The following TGM5 variants were observed in gnomAD, a reference collection of about 807,000 sequenced individuals.
TGM5 encodes protein-glutamine gamma-glutamyltransferase 5.
A neutral mutation model predicts 77.2 loss-of-function variants in TGM5; 69 were observed. The ratio of observed to expected loss-of-function variants is 0.89; its 90% confidence interval spans 0.74 to 1.09. TGM5 has a LOEUF of 1.09. Among genes scored for constraint, TGM5 ranks in the 50% least tolerant of loss-of-function variants. The pLI, the probability that TGM5 is intolerant of heterozygous loss-of-function variation, is 0.00. For missense variants in TGM5, 842 were observed against 896.5 expected (o/e 0.94, Z 0.78); for synonymous variants, 346 against 351.8 (o/e 0.98, Z 0.18).
chr15:43,232,850 A>C lies in TGM5; in HGVS notation c.*341T>G. ...TGAAAAGAGTCCAGGGGAGCTGTGC[A>C]AATGGTCCAGGGAAATATCCATCCA... On this transcript the variant is annotated 3_prime_UTR_variant, in exon 13 of 13. Transcript: ENST00000220420. 1 of 324,860 alleles carries C rather than the reference A, an allele frequency of 3.1e-6. No individual in the cohort carries two copies. Among genetic ancestry groups the C allele is most frequent in the Non-Finnish European group, 5.9e-6 (1 of 169,860 alleles). The allele number at this position is 324,860 out of a possible 1,614,324, so 20.1% of individuals were successfully genotyped here.
intron 1 of TGM5, among the ~76,000 whole-genome samples, chr15:43,261,072 G>GTTTTTTTTT (rs1566837432): frequency 5.6e-5 from 3 of 53,870 alleles, no homozygotes; most frequent in African/African-American, 1.7e-4. Context: ...TTTTTTGTGT[G>GTTTTTTTTT]TGTGTTTTTT....
intron 4 of TGM5, 131 bp downstream of exon 4, chr15:43,256,437 C>T: frequency 2.5e-6 from 2 of 802,324 alleles, no homozygotes; most frequent in East Asian, 2.4e-5. Flanking sequence ...AACCTGGGCT[C>T]ACAACACACA....
chr15:43,239,485 T>G (rs1402567899), intron 7 of TGM5: 2 of 578,306 alleles, frequency 3.5e-6, no homozygotes, highest in East Asian at 5.8e-5. Flanking sequence ...AGTTCAAGAT[T>G]AACCTGGGCA....
chr15:43,260,559 C>T lies in TGM5; in HGVS notation c.31G>A (p.Asp11Asn). ...ACATTATTTCTGGAGCTCTGGAGGT[C>T]TGTGAGGGCCACTTCTAGCCCTGCA... MAQGLEVALTDLQSSRNNVRH... is the reference protein window; with the variant it reads MAQGLEVALTNLQSSRNNVRH... Residue 11 changes from aspartate (D) to asparagine (N), a missense_variant, in exon 2 of 13, where the codon GAC becomes AAC. Physicochemically the swap from Asp to Asn is conservative, Grantham distance 23 (BLOSUM62 1). Coordinates refer to ENST00000220420, the MANE Select transcript of TGM5 (RefSeq NM_201631.4). 1.2e-6 allele frequency: 2 copies of T among 1,614,068 alleles called. No individual in the cohort carries two copies. The highest frequency in any genetic ancestry group is 1.7e-6 in the Non-Finnish European group (2 of 1,179,956).
chr15:43,238,187 A>C (rs2042604559), intron 9 of TGM5, among the ~76,000 whole-genome samples: 1 of 152,136 alleles, frequency 6.6e-6, no homozygotes, highest in Non-Finnish European at 1.5e-5. Context: ...GATCCTCCCC[A>C]GCCAGATCCC....
intron 9 of TGM5, among the ~76,000 whole-genome samples, chr15:43,237,561 T>G (rs953093414): frequency 1.3e-5 from 2 of 151,988 alleles, no homozygotes; most frequent in African/African-American, 4.8e-5. Context: ...TTTTTTTTTT[T>G]GTTTAGAAAT....
At chr15:43,266,773 GACT>G (rs1426416468) in intron 1 of TGM5, 64 bp downstream of exon 1, 11 of 1,597,118 alleles carry the variant, frequency 6.9e-6, no homozygotes, top group Non-Finnish European at 9.4e-6. Flanking sequence ...TCCACCCCTT[GACT>G]TCCTACAGTC....
chr15:43,232,936 T>C lies in TGM5; in HGVS notation c.*255A>G. ...CTCCTATTCATTCATTCAAAAAATA[T>C]TTGTTGAGTGCCTAGCATATGCCAG... On this transcript the variant is annotated 3_prime_UTR_variant, in exon 13 of 13. Transcript: ENST00000220420. The C allele has an allele frequency of 2.0e-6, 1 of 505,086 alleles. No individual in the cohort carries two copies. Among genetic ancestry groups the C allele is most frequent in the Non-Finnish European group, 3.6e-6 (1 of 279,980 alleles). The allele number at this position is 505,086 out of a possible 1,614,324, so 31.3% of individuals were successfully genotyped here.
chr15:43,245,899 T>TGG (rs34700701), intron 6 of TGM5, among the ~76,000 whole-genome samples: 17 of 109,702 alleles, frequency 1.5e-4, no homozygotes, highest in East Asian at 6.0e-4. Flanking sequence ...GTGTGTGTGT[T>TGG]GGGGGGGGGG....
intron 6 of TGM5, chr15:43,247,679 A>G (rs112670644): frequency 4.9e-4 from 75 of 152,262 alleles, no homozygotes; most frequent in African/African-American, 1.7e-3. Flanking sequence ...TGAAAAATAC[A>G]CACGGGTCCA....
At chr15:43,255,638 A>G (rs997298900) in intron 4 of TGM5, among the ~76,000 whole-genome samples, 5 of 152,080 alleles carry the variant, frequency 3.3e-5, no homozygotes, top group Non-Finnish European at 7.4e-5. Context: ...AAGCTGAGAC[A>G]AGGCTCCACG....
At chr15:43,243,489 A>G (rs572744672) in intron 6 of TGM5, among the ~76,000 whole-genome samples, 67 of 152,322 alleles carry the variant, frequency 4.4e-4, no homozygotes, top group African/African-American at 1.4e-3. Context: ...TGGGGAGCAG[A>G]TTGTCACAGT....
chr15:43,238,684 T>A (rs2042608742), intron 9 of TGM5, 133 bp downstream of exon 9: 1 of 1,398,788 alleles, frequency 7.1e-7, no homozygotes, highest in Non-Finnish European at 9.8e-7. Context: ...CCACCCCAAC[T>A]GGGGCCTCAA....
At chr15:43,256,791 C>T (rs1785176250) in intron 3 of TGM5, 105 bp from the exon 4 acceptor site, 2 of 847,926 alleles carry the variant, frequency 2.4e-6, no homozygotes, top group African/African-American at 3.3e-5. Flanking sequence ...AGCAAGGGCC[C>T]CTGGCGACAC....
rs1294358379 is a variant in TGM5, at chr15:43,243,086, C to A, written c.863-2096G>T. 2.0e-5 allele frequency among the ~76,000 whole-genome samples: 3 copies of A among 152,186 alleles called. No homozygotes were observed. In the East Asian group the frequency reaches 5.8e-4, roughly 29 times the overall value. ...CTAAACATGACTCGATGGGCACTTT[C>A]CCACCCTAACACAGGTAACTGGTCC... On this transcript the variant is annotated intron_variant, in intron 6 of 12. Transcript: ENST00000220420.
intron 11 of TGM5, among the ~76,000 whole-genome samples, chr15:43,234,047 T>G (rs994387906): frequency 1.3e-5 from 2 of 152,216 alleles, no homozygotes; most frequent in Non-Finnish European, 2.9e-5. Context: ...GAGTTTCCCA[T>G]GTATTTGCCT....
intron 4 of TGM5, among the ~76,000 whole-genome samples, chr15:43,254,957 T>G (rs917004835): frequency 1.3e-5 from 2 of 152,094 alleles, no homozygotes; most frequent in Admixed American, 1.3e-4. Flanking sequence ...TCAGGGACAA[T>G]GTTGTATTCA....
In TGM5 at chr15:43,252,908, A is replaced by G; in HGVS notation, c.713T>C (p.Leu238Pro). The change falls in exon 6 of 13, where the codon CTC (leucine) becomes CCC (proline). Residue 238 changes from leucine (L) to proline (P), a missense_variant. Coordinates refer to ENST00000220420, the MANE Select transcript of TGM5 (RefSeq NM_201631.4). Reference protein sequence around the residue: ...MINSNDDNGVLNGNWSENYTD... With the variant: ...MINSNDDNGVPNGNWSENYTD... ...GTAATTCTCACTCCAGTTTCCATTGAGCACCCCATTATCATCATTGCTGTT... is the reference window on the plus strand; with the variant it reads ...GTAATTCTCACTCCAGTTTCCATTGGGCACCCCATTATCATCATTGCTGTT... 1.2e-6 allele frequency: 2 copies of G among 1,613,660 alleles called. No homozygotes were observed. Among genetic ancestry groups the G allele is most frequent in the Non-Finnish European group, 1.7e-6 (2 of 1,180,034 alleles).
intron 4 of TGM5, among the ~76,000 whole-genome samples, chr15:43,254,931 G>T (rs182736850): frequency 6.6e-6 from 1 of 152,056 alleles, no homozygotes; most frequent in Non-Finnish European, 1.5e-5. Context: ...GTCTGAGTCC[G>T]CATTACACTG....
Sources: gnomAD v4.1 joint callset for allele counts (sites outside exome capture counted in the v4.1 genomes callset) on GRCh38, gnomAD v4.1.1 for gene constraint, MANE v1.5 for transcripts, NCBI Gene and HGNC (gene_info 2026-07-23, HGNC 2026-07-21) for gene names.